The following RSPO2 variants were observed in gnomAD, a reference collection of about 807,000 sequenced individuals.
The protein encoded by RSPO2 is R-spondin 2, also known as R-spondin-2.
Under a neutral mutation model 30.9 loss-of-function variants are expected in RSPO2, and 14 were observed. The ratio of observed to expected loss-of-function variants is 0.45; its 90% confidence interval spans 0.30 to 0.71. RSPO2 has a LOEUF of 0.71. RSPO2 is among the 30% of genes least tolerant of loss of function. The pLI is 0.08. For missense variants in RSPO2, 264 were observed against 301.9 expected, an observed-to-expected ratio of 0.87 and a Z score of 0.93; for synonymous variants, 107 against 96.4, an observed-to-expected ratio of 1.11 and a Z score of -0.64.
At chr8:107,921,664 T>C (rs1275838368) in intron 5 of RSPO2, among the ~76,000 whole-genome samples, 1 of 151,530 alleles carries the variant, frequency 6.6e-6, no homozygotes, top group Non-Finnish European at 1.5e-5. Flanking sequence ...AGAGAAAACT[T>C]CCAGCCAATA....
intron 3 of RSPO2, among the ~76,000 whole-genome samples, chr8:107,976,672 A>G (rs1177184295): frequency 6.6e-6 from 1 of 152,168 alleles, no homozygotes; most frequent in East Asian, 1.9e-4. Flanking sequence ...ACTCATTGTT[A>G]AAGAGTAATT....
chr8:107,980,649 G>A (rs1239749010), intron 3 of RSPO2, among the ~76,000 whole-genome samples: 1 of 152,096 alleles, frequency 6.6e-6, no homozygotes, highest in Non-Finnish European at 1.5e-5. Context: ...CTTCTATCAG[G>A]TCTTGTCACT....
chr8:108,010,557 C>A (rs920435136), intron 2 of RSPO2, among the ~76,000 whole-genome samples: 4 of 152,060 alleles, frequency 2.6e-5, no homozygotes, highest in Non-Finnish European at 5.9e-5. Flanking sequence ...TCTTAGAGAG[C>A]GAGCAAGAAG....
At chr8:108,073,076 TAA>T (rs1812907813) in intron 2 of RSPO2, 1 of 152,366 alleles carries the variant, frequency 6.6e-6, no homozygotes, top group Admixed American at 6.5e-5. Context: ...TCACAGATAC[TAA>T]AACAGTGAGG....
chr8:108,008,075 C>A (rs1419676624), intron 2 of RSPO2, among the ~76,000 whole-genome samples: 1 of 152,086 alleles, frequency 6.6e-6, no homozygotes, highest in East Asian at 1.9e-4. Context: ...CACATACACC[C>A]AAGGGAGTGG....
In RSPO2 at chr8:107,900,910, A is replaced by C. The variant is rs1486190752; in HGVS notation, c.*165T>G. The C allele has an allele frequency of 2.9e-6, 2 of 685,436 alleles. No homozygotes were observed. Among genetic ancestry groups the C allele is most frequent in the Admixed American group, 5.6e-5 (2 of 35,818 alleles). The allele number at this position is 685,436 out of a possible 1,614,324, so 42.5% of individuals were successfully genotyped here. The stretch of plus-strand genomic sequence containing the variant: ...GTCTCCAGATTCAAATCAAAGCATA[A>C]ATAACACAGGGGCCATGCTGGTGGT... On this transcript the variant is annotated 3_prime_UTR_variant, in exon 6 of 6. Transcript: ENST00000276659.
At position 107,971,081 on chromosome 8, in the gene RSPO2, A is replaced by T. The variant is rs185359213; in HGVS notation, c.284-10264T>A. On this transcript the variant is annotated intron_variant, in intron 3 of 5. Coordinates refer to ENST00000276659, the MANE Select transcript of RSPO2 (RefSeq NM_178565.5). ...AAGAAGATGCAGGTGAAAGTATTTT[A>T]AAAACTAAAGCACTAGGTGTATGTT... Among the ~76,000 whole-genome samples, 8 of 152,362 alleles carry T rather than the reference A, an allele frequency of 5.3e-5. No individual in the cohort carries two copies. In the East Asian group the frequency reaches 9.6e-4, roughly 18 times the overall value.
In RSPO2 at chr8:107,904,358, GAA is replaced by G. The variant is rs57669048; in HGVS notation, c.617-3170_617-3169del. On this transcript the variant is annotated intron_variant, in intron 5 of 5. Coordinates refer to ENST00000276659, the MANE Select transcript of RSPO2 (RefSeq NM_178565.5). ...GAATAGATACTGCCCAGGATCATTA[GAA>G]AAAAAAAAAAAGAAGTTTGAGTTTT... Among the ~76,000 whole-genome samples, 410 of 140,010 alleles carry G rather than the reference GAA, an allele frequency of 2.9e-3. 4 individuals are homozygous for G. The highest frequency in any genetic ancestry group is 0.01 in the African/African-American group (372 of 36,318). 91.9% of individuals were successfully genotyped at this position (140,010 alleles called of 152,430 possible).
intron 2 of RSPO2, among the ~76,000 whole-genome samples, chr8:108,026,440 A>G (rs1332475015): frequency 6.6e-6 from 1 of 152,206 alleles, no homozygotes; most frequent in Non-Finnish European, 1.5e-5. Flanking sequence ...ATTTTAATAA[A>G]TTCATTGCGA....
chr8:107,943,259 T>C (rs1812956539), intron 5 of RSPO2, among the ~76,000 whole-genome samples: 1 of 152,192 alleles, frequency 6.6e-6, no homozygotes, highest in Admixed American at 6.5e-5. Context: ...TGATCACATA[T>C]TTTTGAATTT....
At chr8:107,972,151 C>CTT (rs559178839) in intron 3 of RSPO2, among the ~76,000 whole-genome samples, 2,113 of 146,274 alleles carry the variant, frequency 0.014, 23 homozygotes, top group South Asian at 0.041. Context: ...TAAACACAGT[C>CTT]TTTTTTTTTT....
chr8:107,974,374 T>C lies in RSPO2; in HGVS notation c.284-13557A>G, dbSNP rs375520392. On this transcript the variant is annotated intron_variant, in intron 3 of 5. Coordinates refer to ENST00000276659, the MANE Select transcript of RSPO2 (RefSeq NM_178565.5). ...AAAGAAAAGAAAAATTAGCTGGGCA[T>C]GGTGGCACGCACCTGTAGTGCCAGT... Among the ~76,000 whole-genome samples the C allele has an allele frequency of 7.9e-5, 12 of 151,210 alleles. 1 individual carries two copies. The highest frequency in any genetic ancestry group is 7.8e-4 in the East Asian group (4 of 5,152).
intron 3 of RSPO2, among the ~76,000 whole-genome samples, chr8:107,978,645 A>G (rs1158812327): frequency 6.6e-6 from 1 of 152,230 alleles, no homozygotes; most frequent in South Asian, 2.1e-4. Flanking sequence ...CTAAAACACC[A>G]AAAGCAATGG....
chr8:107,914,462 T>TAAAAA (rs35990028), intron 5 of RSPO2, among the ~76,000 whole-genome samples: 24 of 142,942 alleles, frequency 1.7e-4, no homozygotes, highest in Admixed American at 1.7e-3. Context: ...ACAGAATAGG[T>TAAAAA]AAAAAAAAAA....
At chr8:107,964,194 CACAA>C (rs1478432220) in intron 3 of RSPO2, among the ~76,000 whole-genome samples, 1 of 152,202 alleles carries the variant, frequency 6.6e-6, no homozygotes, top group East Asian at 1.9e-4. Context: ...CTCATCTGCT[CACAA>C]ACACCTACAA....
chr8:108,045,655 T>C (rs935257358), intron 2 of RSPO2, among the ~76,000 whole-genome samples: 2 of 152,128 alleles, frequency 1.3e-5, no homozygotes, highest in Non-Finnish European at 2.9e-5. Context: ...GGCAGATATG[T>C]CTGAGCCATA....
chr8:107,989,510 A>G, intron 2 of RSPO2: 2 of 374,810 alleles, frequency 5.3e-6, no homozygotes, highest in Non-Finnish European at 9.4e-6. Context: ...GTCAGACCAG[A>G]CAGAGGTAGA....
At chr8:108,015,808 A>G (rs1810873108) in intron 2 of RSPO2, among the ~76,000 whole-genome samples, 1 of 152,080 alleles carries the variant, frequency 6.6e-6, no homozygotes, top group South Asian at 2.1e-4. Context: ...CTTTCCTCCT[A>G]TTGCAATAAT....
chr8:108,054,367 G>T (rs1272412851), intron 2 of RSPO2, among the ~76,000 whole-genome samples: 2 of 152,106 alleles, frequency 1.3e-5, no homozygotes, highest in African/African-American at 4.8e-5. Flanking sequence ...TCCTACAGAG[G>T]CTCAGAGAAA....
Sources: allele counts gnomAD v4.1 joint callset (sites outside exome capture counted in the v4.1 genomes callset), GRCh38; gene constraint gnomAD v4.1.1; transcripts MANE v1.5; gene names NCBI Gene and HGNC (gene_info 2026-07-23, HGNC 2026-07-21).